Variants in ZNF268 observed in about 807,000 individuals in gnomAD.
ZNF268 encodes zinc finger protein 3.
Under a neutral mutation model 29.3 loss-of-function variants are expected in ZNF268, and 20 were observed. The ratio of observed to expected loss-of-function variants is 0.68; its 90% confidence interval spans 0.48 to 0.99. The LOEUF (loss-of-function observed/expected upper bound fraction) is 0.99, where lower values mean the gene tolerates loss of function less well. Ranked by LOEUF, ZNF268 falls within the 50% of genes least tolerant of loss-of-function variation. The pLI, the probability that ZNF268 is intolerant of heterozygous loss-of-function variation, is 0.00. For missense variants in ZNF268, 1,240 were observed against 1,121.6 expected, an observed-to-expected ratio of 1.11 and a Z score of -1.51; for synonymous variants, 429 against 376.9, an observed-to-expected ratio of 1.14 and a Z score of -1.60.
intron 3 of ZNF268, among the ~76,000 whole-genome samples, chr12:133,188,870 A>G (rs958989686): frequency 2.6e-4 from 39 of 152,132 alleles, no homozygotes; most frequent in Non-Finnish European, 2.2e-4. Context: ...CTTAATGCTT[A>G]CTTTTGATGA....
At position 133,203,900 on chromosome 12, in the gene ZNF268, A is replaced by G; in HGVS notation, c.2214A>G (p.Gln738=). The change falls in exon 6 of 6, where the codon CAA becomes CAG. Residue 738 remains glutamine, a synonymous_variant. Coordinates refer to ENST00000536435, the MANE Select transcript of ZNF268 (RefSeq NM_003415.3). ...ECGKSFSFNS[Q]LIVHQRIHTG... is the part of the protein sequence containing the mutation. ...GGAAATCCTTTAGTTTCAATTCACA[A>G]CTCATTGTGCATCAGAGAATTCACA... is the stretch of plus-strand genomic sequence containing the variant. 6.3e-7 allele frequency: 1 copy of G among 1,581,636 alleles called. No homozygotes were observed. Among genetic ancestry groups the G allele is most frequent in the South Asian group, 1.1e-5 (1 of 88,006 alleles).
At position 133,188,023 on chromosome 12, in the gene ZNF268, TAG is replaced by T. The variant is rs1315443131; in HGVS notation, c.188_189del (p.Glu63ValfsTer52). On this transcript the variant is annotated frameshift_variant, in exon 3 of 6. Coordinates refer to ENST00000536435, the MANE Select transcript of ZNF268 (RefSeq NM_003415.3). LOFTEE classifies it high-confidence loss of function. ...AAGAGTCGCAGAATAGAGAAAGTCC[TAG>T]AGTGGCTGTTTATTTCCCAAGAGCA... 1 of 1,596,088 alleles carries T rather than the reference TAG, an allele frequency of 6.3e-7. No homozygotes were observed. The highest frequency in any genetic ancestry group is 1.1e-5 in the South Asian group (1 of 87,900).
chr12:133,209,221 G>A lies in ZNF268; in HGVS notation c.*4691G>A, dbSNP rs1956947021. On this transcript the variant is annotated 3_prime_UTR_variant, in exon 6 of 6. Coordinates refer to ENST00000536435, the MANE Select transcript of ZNF268 (RefSeq NM_003415.3). The stretch of plus-strand genomic sequence containing the variant: ...CCCAAAGTGCTGGGATTACAGGTGT[G>A]AGCCACTGGTCTGTATTGATTTTTC... 1 of 152,192 alleles carries A rather than the reference G, an allele frequency of 6.6e-6. No individual in the cohort carries two copies. The highest frequency in any genetic ancestry group is 2.1e-4 in the South Asian group (1 of 4,832). 9.4% of individuals were successfully genotyped at this position (152,192 alleles called of 1,614,324 possible).
rs1300731946 is a variant in ZNF268, at chr12:133,187,761, C to A, written c.34-111C>A. On this transcript the variant is annotated intron_variant, in intron 2 of 5. Transcript: ENST00000536435. ...TAACCCTGCATTTCCTGAAGTTAAA[C>A]CTGCCTTGTTTTCTAACGTGTTTCT... is the stretch of plus-strand genomic sequence containing the variant. The A allele has an allele frequency of 3.6e-6, 4 of 1,097,962 alleles. 1 individual carries two copies. In the South Asian group the frequency reaches 4.9e-5, roughly 13 times the overall value. 68.0% of individuals were successfully genotyped at this position (1,097,962 alleles called of 1,614,324 possible). A position where few individuals can be genotyped will look rare whatever the true frequency, so the allele number is the denominator to read the frequency against.
chr12:133,189,084 A>G (rs1291741776), intron 3 of ZNF268, among the ~76,000 whole-genome samples: 1 of 152,090 alleles, frequency 6.6e-6, no homozygotes, highest in Non-Finnish European at 1.5e-5. Flanking sequence ...CCCATTATTT[A>G]GATCTTTGAT....
rs1956948964 is a variant in ZNF268 at position 133,209,415 on chromosome 12, TAAA to T, written c.*4886_*4888del. 2.0e-5 allele frequency: 3 copies of T among 152,218 alleles called. No homozygotes were observed. In the South Asian group the frequency reaches 6.2e-4, roughly 31 times the overall value. 9.4% of individuals were successfully genotyped at this position (152,218 alleles called of 1,614,324 possible). ...GAGCCAAGCACCCAGCCATAAATCT[TAAA>T]TAAATTCTGATTTTGGTATAAATGA... On this transcript the variant is annotated 3_prime_UTR_variant, in exon 6 of 6. Coordinates refer to ENST00000536435, the MANE Select transcript of ZNF268 (RefSeq NM_003415.3).
At chr12:133,200,963 C>T (rs1029036392) in intron 5 of ZNF268, among the ~76,000 whole-genome samples, 32 of 152,058 alleles carry the variant, frequency 2.1e-4, no homozygotes, top group African/African-American at 7.5e-4. Context: ...TTCTCATGTT[C>T]CCATGCCTCC....
intron 2 of ZNF268, among the ~76,000 whole-genome samples, chr12:133,185,162 C>T (rs558962360): frequency 1.3e-3 from 181 of 143,624 alleles, no homozygotes; most frequent in Non-Finnish European, 2.1e-3. Flanking sequence ...TCCAATCTGG[C>T]GACAGAGTGA....
intron 3 of ZNF268, among the ~76,000 whole-genome samples, chr12:133,189,214 CTTTTT>C (rs561890644): frequency 7.7e-6 from 1 of 129,860 alleles, no homozygotes; most frequent in Non-Finnish European, 1.6e-5. Flanking sequence ...GTCTTAATTC[CTTTTT>C]TTTTTTTTTT....
At chr12:133,185,596 C>T (rs1438853406) in intron 2 of ZNF268, among the ~76,000 whole-genome samples, 1 of 152,142 alleles carries the variant, frequency 6.6e-6, no homozygotes, top group Non-Finnish European at 1.5e-5. Flanking sequence ...GTGCAGAGGC[C>T]AGATCAGGCT....
In ZNF268 at chr12:133,187,940, C is replaced by T; in HGVS notation, c.102C>T (p.Ile34=). Residue 34 remains isoleucine (I), a synonymous_variant, in exon 3 of 6, where the codon ATC becomes ATT. Transcript: ENST00000536435. Reference sequence around the variant, plus strand: ...GAAAGCTCCAAGGTCAGGAATCCATCTTGGGCCAAGGGACTCCTGGTCTGC... The same window carrying T: ...GAAAGCTCCAAGGTCAGGAATCCATTTTGGGCCAAGGGACTCCTGGTCTGC... ...RIRKLQGQES[I]LGQGTPGLQP... The T allele has an allele frequency of 6.2e-7, 1 of 1,600,620 alleles. No homozygotes were observed. The highest frequency in any genetic ancestry group is 8.5e-7 in the Non-Finnish European group (1 of 1,173,438).
At chr12:133,200,648 A>G (rs757792604) in intron 5 of ZNF268, among the ~76,000 whole-genome samples, 7 of 152,040 alleles carry the variant, frequency 4.6e-5, no homozygotes, top group Non-Finnish European at 1.0e-4. Flanking sequence ...TGTTGTGACA[A>G]AGGACTTGAT....
At chr12:133,192,101 C>A in intron 5 of ZNF268, 98 bp downstream of exon 5, 3 of 917,946 alleles carry the variant, frequency 3.3e-6, no homozygotes, top group Non-Finnish European at 1.6e-6. Context: ...CGTGTATTAC[C>A]ATGCACTTTT....
At chr12:133,199,153 T>C (rs535742362) in intron 5 of ZNF268, among the ~76,000 whole-genome samples, 121 of 152,322 alleles carry the variant, frequency 7.9e-4, no homozygotes, top group Middle Eastern at 3.4e-3. Flanking sequence ...GCCCATTCAG[T>C]ATGATATTGG....
At position 133,189,503 on chromosome 12, in the gene ZNF268, C is replaced by T. The variant is rs532809239; in HGVS notation, c.234+1431C>T. Among the ~76,000 whole-genome samples the T allele has an allele frequency of 7.6e-4, 116 of 152,172 alleles. 2 individuals are homozygous for T. Among genetic ancestry groups the T allele is most frequent in the African/African-American group, 2.6e-3 (107 of 41,518 alleles). On this transcript the variant is annotated intron_variant, in intron 3 of 5. Coordinates refer to ENST00000536435, the MANE Select transcript of ZNF268 (RefSeq NM_003415.3). ...ATGCTGGGAATACAGGTGTGAGCCA[C>T]GGCATCCAGCTAGTTTCTTAATTTC...
Position 133,205,865 on chromosome 12 carries a change from G to A in ZNF268, c.*1335G>A, listed in dbSNP as rs529496724. The A allele has an allele frequency of 6.6e-6, 1 of 152,250 alleles. No individual in the cohort carries two copies. Among genetic ancestry groups the A allele is most frequent in the African/African-American group, 2.4e-5 (1 of 41,562 alleles). 9.4% of individuals were successfully genotyped at this position (152,250 alleles called of 1,614,324 possible). On this transcript the variant is annotated 3_prime_UTR_variant, in exon 6 of 6. Coordinates refer to ENST00000536435, the MANE Select transcript of ZNF268 (RefSeq NM_003415.3). ...GCTCAGGACTTGGCATGAGCACTAT[G>A]GTCAGCTGAGGCTCAGAACTGTACA... is the stretch of plus-strand genomic sequence containing the variant.
At position 133,210,937 on chromosome 12, in the gene ZNF268, T is replaced by C. The variant is rs1302677843; in HGVS notation, c.*6407T>C. The C allele has an allele frequency of 2.2e-6, 1 of 455,942 alleles. No individual in the cohort carries two copies. Among genetic ancestry groups the C allele is most frequent in the Non-Finnish European group, 4.4e-6 (1 of 226,804 alleles). The allele number at this position is 455,942 out of a possible 1,614,324, so 28.2% of individuals were successfully genotyped here. A position where few individuals can be genotyped will look rare whatever the true frequency, so the allele number is the denominator to read the frequency against. On this transcript the variant is annotated 3_prime_UTR_variant, in exon 6 of 6. Transcript: ENST00000536435. ...ATGGTCAGTGCTTCCTGTTTTGTGA[T>C]GGCCATGTGCCCCCTCTTGCAGTCC...
In ZNF268 at chr12:133,212,562, T is replaced by C. The variant is rs1957004388; in HGVS notation, c.*8032T>C. The C allele has an allele frequency of 6.7e-6, 1 of 149,956 alleles. No homozygotes were observed. Among genetic ancestry groups the C allele is most frequent in the Non-Finnish European group, 1.5e-5 (1 of 67,574 alleles). 9.3% of individuals were successfully genotyped at this position (149,956 alleles called of 1,614,324 possible). A position where few individuals can be genotyped will look rare whatever the true frequency, so the allele number is the denominator to read the frequency against. On this transcript the variant is annotated 3_prime_UTR_variant, in exon 6 of 6. Transcript: ENST00000536435. ...ATATATACACATATACACATATATA[T>C]ACACATATATATAATAAGAACATTT...
At chr12:133,196,568 G>A (rs537570033) in intron 5 of ZNF268, among the ~76,000 whole-genome samples, 1 of 152,284 alleles carries the variant, frequency 6.6e-6, no homozygotes, top group African/African-American at 2.4e-5. Context: ...AAAGTACAGG[G>A]TTTGATAGTT....
Sources: allele counts gnomAD v4.1 joint callset (sites outside exome capture counted in the v4.1 genomes callset), GRCh38; gene constraint gnomAD v4.1.1; transcripts MANE v1.5; gene names NCBI Gene and HGNC (gene_info 2026-07-23, HGNC 2026-07-21).